Variants in DIP2C observed in about 807,000 individuals in gnomAD.
DIP2C encodes the protein DIP2 acetate--CoA ligase C (putative).
DIP2C carries 33 observed loss-of-function variants against 192.4 expected under a neutral mutation model. The observed-to-expected ratio is 0.17, with a 90% CI of 0.13 to 0.23. The LOEUF (loss-of-function observed/expected upper bound fraction) is 0.23. Ranked by LOEUF, DIP2C falls within the 10% of genes least tolerant of loss-of-function variation. DIP2C has a pLI of 1.00. For missense variants in DIP2C, 1,537 were observed against 2,110.1 expected (o/e 0.73, Z 5.32); for synonymous variants, 979 against 864.1 (o/e 1.13, Z -2.33).
At chr10:338,157 A>C (rs1341823112) in intron 29 of DIP2C, among the ~76,000 whole-genome samples, 2 of 152,256 alleles carry the variant, frequency 1.3e-5, no homozygotes, top group African/African-American at 4.8e-5. Context: ...TTATAAGCTA[A>C]GTGTTTTTAT....
intron 1 of DIP2C, among the ~76,000 whole-genome samples, chr10:537,584 T>G (rs1328933498): frequency 1.4e-5 from 2 of 142,242 alleles, no homozygotes; most frequent in African/African-American, 5.3e-5. Context: ...CCCCGCACAC[T>G]TGTGCCCAGG....
intron 22 of DIP2C, among the ~76,000 whole-genome samples, chr10:359,458 G>A (rs1959207059): frequency 6.6e-6 from 1 of 152,214 alleles, no homozygotes; most frequent in Non-Finnish European, 1.5e-5. Flanking sequence ...TAGGAGCCTC[G>A]AGTCTGGACT....
intron 1 of DIP2C, among the ~76,000 whole-genome samples, chr10:533,943 A>G (rs1847555745): frequency 1.3e-5 from 2 of 152,046 alleles, no homozygotes; most frequent in Admixed American, 6.6e-5. Context: ...ATGAAATCAC[A>G]TGGAATTATA....
intron 14 of DIP2C, 125 bp downstream of exon 14, chr10:387,620 A>G: frequency 1.3e-6 from 1 of 754,150 alleles, no homozygotes; most frequent in Admixed American, 1.9e-5. Context: ...CTGTGTGGAC[A>G]GACAGTGTGG....
intron 1 of DIP2C, among the ~76,000 whole-genome samples, chr10:512,025 C>A (rs962885869): frequency 6.6e-6 from 1 of 152,188 alleles, no homozygotes; most frequent in Non-Finnish European, 1.5e-5. Flanking sequence ...TCTCAGGACA[C>A]CGCACACGTT....
chr10:662,102 T>C, intron 1 of DIP2C: 1 of 717,476 alleles, frequency 1.4e-6, no homozygotes, highest in Non-Finnish European at 2.6e-6. Flanking sequence ...CCTCAGTGGC[T>C]TCCTAGTATC....
At chr10:629,951 C>G (rs1034464765) in intron 1 of DIP2C, 1 of 152,296 alleles carries the variant, frequency 6.6e-6, no homozygotes, top group Non-Finnish European at 1.5e-5. Flanking sequence ...CCGGAGACGA[C>G]GAACTTGGCT....
chr10:420,453 C>T (rs1966107044), intron 5 of DIP2C, among the ~76,000 whole-genome samples: 1 of 152,212 alleles, frequency 6.6e-6, no homozygotes, highest in Non-Finnish European at 1.5e-5. Context: ...CCGTCAGTGC[C>T]ACGACATTCC....
chr10:470,585 C>A (rs1028490855), intron 3 of DIP2C, among the ~76,000 whole-genome samples: 2 of 152,206 alleles, frequency 1.3e-5, no homozygotes, highest in African/African-American at 4.8e-5. Context: ...AACCACAACC[C>A]GCCATGCTTA....
intron 1 of DIP2C, among the ~76,000 whole-genome samples, chr10:684,102 T>C (rs1488226539): frequency 6.6e-6 from 1 of 152,254 alleles, no homozygotes; most frequent in Non-Finnish European, 1.5e-5. Flanking sequence ...AAATTTGATG[T>C]ATAGCATTTA....
chr10:484,578 G>A (rs942849453), intron 2 of DIP2C, among the ~76,000 whole-genome samples: 27 of 152,318 alleles, frequency 1.8e-4, no homozygotes, highest in Middle Eastern at 3.4e-3. Flanking sequence ...AATAGGAAAC[G>A]CAGAACTGGG....
intron 15 of DIP2C, 116 bp from the exon 16 acceptor site, chr10:384,262 C>T: frequency 1.5e-6 from 2 of 1,331,048 alleles, no homozygotes; most frequent in East Asian, 2.6e-5. Context: ...TCACCCAGCC[C>T]CCACAAACCT....
At chr10:599,381 C>G (rs987274288) in intron 1 of DIP2C, among the ~76,000 whole-genome samples, 4 of 152,192 alleles carry the variant, frequency 2.6e-5, no homozygotes, top group African/African-American at 9.7e-5. Context: ...AGCAAGCAAT[C>G]TCTTTGCAAT....
At chr10:356,377 C>T (rs12358220) in intron 24 of DIP2C, 49 bp downstream of exon 24, 118,284 of 1,599,780 alleles carry the variant, frequency 0.074, 4,945 homozygotes, top group Non-Finnish European at 0.083. Context: ...AGGAACCAGG[C>T]TAGGCCCCTT....
chr10:277,318 G>C lies in DIP2C; in HGVS notation c.*7C>G. On this transcript the variant is annotated 3_prime_UTR_variant, in exon 37 of 37. Coordinates refer to ENST00000280886, the MANE Select transcript of DIP2C (RefSeq NM_014974.3). ...CTAGAAAAGTCCATGGAAGCCAAGA[G>C]ACGAGACTACATGTTGTAGGCCACA... 6.2e-7 allele frequency: 1 copy of C among 1,613,386 alleles called. No homozygotes were observed. The highest frequency in any genetic ancestry group is 1.1e-5 in the South Asian group (1 of 91,068).
chr10:599,259 G>T (rs1185434447), intron 1 of DIP2C, among the ~76,000 whole-genome samples: 1 of 152,158 alleles, frequency 6.6e-6, no homozygotes, highest in East Asian at 1.9e-4. Flanking sequence ...CACAGAAAGT[G>T]GGCTAAGGGC....
intron 1 of DIP2C, among the ~76,000 whole-genome samples, chr10:621,162 G>GC (rs1853822119): frequency 6.6e-6 from 1 of 152,120 alleles, no homozygotes; most frequent in Admixed American, 6.5e-5. Context: ...GCCGCCCGAC[G>GC]CAACGGGCCA....
At chr10:596,998 C>T (rs1307500882) in intron 1 of DIP2C, among the ~76,000 whole-genome samples, 1 of 152,226 alleles carries the variant, frequency 6.6e-6, no homozygotes, top group African/African-American at 2.4e-5. Context: ...GTGGCTGGTT[C>T]TGCATTATTT....
chr10:463,534 T>C (rs1969960271), intron 3 of DIP2C, among the ~76,000 whole-genome samples: 1 of 152,024 alleles, frequency 6.6e-6, no homozygotes, highest in Non-Finnish European at 1.5e-5. Flanking sequence ...TGCTCATGGA[T>C]AGGAAGAATA....
Sources: allele counts gnomAD v4.1 joint callset (sites outside exome capture counted in the v4.1 genomes callset), GRCh38; gene constraint gnomAD v4.1.1; transcripts MANE v1.5; gene names NCBI Gene and HGNC (gene_info 2026-07-23, HGNC 2026-07-21).